Variants in ANKS1A observed in about 807,000 individuals in gnomAD.
ANKS1A encodes ankyrin repeat and SAM domain-containing protein 1A.
ANKS1A carries 55 observed loss-of-function variants against 120.3 expected under a neutral mutation model. That is an observed-to-expected ratio of 0.46 (90% CI 0.37 to 0.57). The LOEUF (loss-of-function observed/expected upper bound fraction) is 0.57. Ranked by LOEUF, ANKS1A falls within the 20% of genes least tolerant of loss-of-function variation. ANKS1A has a pLI of 0.00. For missense variants in ANKS1A, 1,123 were observed against 1,480.3 expected, an observed-to-expected ratio of 0.76 and a Z score of 3.96; for synonymous variants, 590 against 604.7, an observed-to-expected ratio of 0.98 and a Z score of 0.36.
At chr6:35,094,839 G>GAA (rs1479442186), downstream of ANKS1A, among the ~76,000 whole-genome samples, 82 of 151,754 alleles carry the variant, frequency 5.4e-4, no homozygotes, top group African/African-American at 2.0e-3. Flanking sequence ...GAGGGAAAAA[G>GAA]AGGCTAAGAA....
Position 34,997,763 on chromosome 6 carries a change from A to G in ANKS1A, c.1423+3341A>G, listed in dbSNP as rs965914523. ...TGACTCAACCTTTGGAAGAAAGAAA[A>G]GTGGAAAGTTAGACTAACTTCATAA... On this transcript the variant is annotated intron_variant, in intron 10 of 23. Transcript: ENST00000360359. Among the ~76,000 whole-genome samples the G allele has an allele frequency of 2.0e-5, 3 of 152,334 alleles. No individual in the cohort carries two copies. In the South Asian group the frequency reaches 6.2e-4, roughly 32 times the overall value.
chr6:34,907,056 A>G (rs1423602320), intron 1 of ANKS1A, among the ~76,000 whole-genome samples: 1 of 152,208 alleles, frequency 6.6e-6, no homozygotes, highest in African/African-American at 2.4e-5. Flanking sequence ...CCCCAAATCC[A>G]TAACCTCAGT....
intron 11 of ANKS1A, among the ~76,000 whole-genome samples, chr6:35,047,877 A>G (rs1462969179): frequency 6.6e-6 from 1 of 152,200 alleles, no homozygotes; most frequent in Non-Finnish European, 1.5e-5. Context: ...CCTCCCGGTC[A>G]TGTTCATGTC....
intron 1 of ANKS1A, among the ~76,000 whole-genome samples, chr6:34,918,610 C>T (rs374828569): frequency 5.9e-5 from 9 of 152,308 alleles, no homozygotes; most frequent in South Asian, 2.1e-4. Flanking sequence ...ATCTCAGGAT[C>T]GGTTCCATCA....
chr6:35,063,065 T>A (rs1776596762), intron 13 of ANKS1A, among the ~76,000 whole-genome samples: 1 of 152,230 alleles, frequency 6.6e-6, no homozygotes. Context: ...ACTTGAACTT[T>A]ATCCACACTG....
chr6:34,939,639 G>A (rs1426656166), intron 1 of ANKS1A, among the ~76,000 whole-genome samples: 4 of 152,130 alleles, frequency 2.6e-5, no homozygotes. Context: ...CTTGAGCCCA[G>A]GAGTTCCAGG....
chr6:34,934,233 C>T (rs1236359004), intron 1 of ANKS1A, among the ~76,000 whole-genome samples: 5 of 152,076 alleles, frequency 3.3e-5, no homozygotes, highest in Non-Finnish European at 7.4e-5. Context: ...CTGCAAGCTC[C>T]ACCTCCCGGG....
intron 2 of ANKS1A, among the ~76,000 whole-genome samples, chr6:34,968,842 G>A (rs1032107321): frequency 4.6e-5 from 7 of 152,188 alleles, no homozygotes; most frequent in Admixed American, 3.9e-4. Flanking sequence ...TCACTTGTCC[G>A]ATATTTGACC....
chr6:34,955,453 A>G (rs1244843392), intron 1 of ANKS1A, among the ~76,000 whole-genome samples: 2 of 152,072 alleles, frequency 1.3e-5, no homozygotes, highest in Non-Finnish European at 2.9e-5. Flanking sequence ...TGAGTTTTCT[A>G]TGTCCAGCTT....
chr6:35,068,417 C>G, intron 13 of ANKS1A, among the ~76,000 whole-genome samples: 1 of 152,032 alleles, frequency 6.6e-6, no homozygotes, highest in Non-Finnish European at 1.5e-5. Context: ...CACATCTGCC[C>G]GGGGTTTGTT....
At chr6:34,980,725 A>C (rs1220113208) in intron 3 of ANKS1A, among the ~76,000 whole-genome samples, 1 of 152,240 alleles carries the variant, frequency 6.6e-6, no homozygotes, top group Non-Finnish European at 1.5e-5. Context: ...AGGAGAGGTC[A>C]TGGGACTTAC....
Position 35,057,619 on chromosome 6 carries a change from C to T in ANKS1A, c.2078-2528C>T, listed in dbSNP as rs1285213700. Reference sequence around the variant, plus strand: ...TGTACTTGGGATTTGGCCCTGGTTTCCCCCTTGCCCTTGGCCATCGCTGTC... The same window carrying T: ...TGTACTTGGGATTTGGCCCTGGTTTTCCCCTTGCCCTTGGCCATCGCTGTC... On this transcript the variant is annotated intron_variant, in intron 12 of 23. Coordinates refer to ENST00000360359, the MANE Select transcript of ANKS1A (RefSeq NM_015245.3). The surrounding 1 kb of genome is among the most constrained non-coding windows in gnomAD (Gnocchi z 4.1). Among the ~76,000 whole-genome samples the T allele has an allele frequency of 6.6e-6, 1 of 152,156 alleles. No homozygotes were observed. Among genetic ancestry groups the T allele is most frequent in the African/African-American group, 2.4e-5 (1 of 41,442 alleles).
intron 11 of ANKS1A, among the ~76,000 whole-genome samples, chr6:35,049,842 G>A (rs933246803): frequency 1.3e-5 from 2 of 152,158 alleles, no homozygotes; most frequent in East Asian, 1.9e-4. Context: ...GCACACAGCC[G>A]TGACTTGTAC....
Position 35,062,752 on chromosome 6 carries a change from C to G in ANKS1A, c.2184+2499C>G, listed in dbSNP as rs573565776. Among the ~76,000 whole-genome samples the G allele has an allele frequency of 7.9e-5, 12 of 152,360 alleles. No homozygotes were observed. The South Asian group carries it at 2.5e-3, about 32-fold the overall frequency. On this transcript the variant is annotated intron_variant, in intron 13 of 23. Coordinates refer to ENST00000360359, the MANE Select transcript of ANKS1A (RefSeq NM_015245.3). ...ACGCCATGTGGTCTGATCGCCCTCTCTGCCCGAATCCCTTCCAAGTAGTCT... is the reference window on the plus strand; with the variant it reads ...ACGCCATGTGGTCTGATCGCCCTCTGTGCCCGAATCCCTTCCAAGTAGTCT...
rs534319729 is a variant in ANKS1A at position 35,050,443 on chromosome 6, G to A, written c.2011-3656G>A. Among the ~76,000 whole-genome samples, 9 of 152,162 alleles carry A rather than the reference G, an allele frequency of 5.9e-5. No individual in the cohort carries two copies. The highest frequency in any genetic ancestry group is 1.0e-4 in the Non-Finnish European group (7 of 68,024). ...AAGAGGAGAACACTAAATGGTGCCC[G>A]TCCATTACACTTAACCTGCCTCTTC... On this transcript the variant is annotated intron_variant, in intron 11 of 23. Coordinates refer to ENST00000360359, the MANE Select transcript of ANKS1A (RefSeq NM_015245.3). The surrounding 1 kb of genome is among the most constrained non-coding windows in gnomAD (Gnocchi z 4.3).
chr6:35,028,370 G>A (rs929155164), intron 11 of ANKS1A, among the ~76,000 whole-genome samples: 1 of 152,062 alleles, frequency 6.6e-6, no homozygotes, highest in Non-Finnish European at 1.5e-5. Flanking sequence ...CCAGCCTCAA[G>A]GTCATAGGCT....
intron 1 of ANKS1A, among the ~76,000 whole-genome samples, chr6:34,903,196 C>T (rs114409292): frequency 2.5e-3 from 378 of 152,206 alleles, no homozygotes; most frequent in African/African-American, 8.6e-3. Flanking sequence ...TCCATAAAAC[C>T]CATTTCCAGT....
rs185053438 is a variant in ANKS1A at position 35,027,808 on chromosome 6, T to C, written c.2010+9749T>C. Among the ~76,000 whole-genome samples the C allele has an allele frequency of 4.5e-3, 689 of 152,316 alleles. 6 individuals are homozygous for C. The highest frequency in any genetic ancestry group is 0.027 in the Middle Eastern group (8 of 294). On this transcript the variant is annotated intron_variant, in intron 11 of 23. Transcript: ENST00000360359. ...TTTCTTCTCCATAGATGTTCCCTTT[T>C]GATGCTACCAGGTGAGTAGCCAGTG...
At chr6:35,028,707 C>T (rs1581669267) in intron 11 of ANKS1A, among the ~76,000 whole-genome samples, 1 of 152,114 alleles carries the variant, frequency 6.6e-6, no homozygotes, top group African/African-American at 2.4e-5. Context: ...CTGCTCTGAA[C>T]CTTGCTTTTT....
Sources: allele counts gnomAD v4.1 joint callset (sites outside exome capture counted in the v4.1 genomes callset), GRCh38; gene constraint gnomAD v4.1.1; non-coding constraint Gnocchi (gnomAD v3.1); transcripts MANE v1.5; gene names NCBI Gene and HGNC (gene_info 2026-07-23, HGNC 2026-07-21).